MYO3B: variants seen among roughly 807,000 people sequenced by gnomAD.
MYO3B encodes the protein myosin-IIIb.
Under a neutral mutation model 174.6 loss-of-function variants are expected in MYO3B, and 156 were observed. The observed-to-expected ratio is 0.89, with a 90% CI of 0.78 to 1.02. The LOEUF is 1.02. Among genes scored for constraint, MYO3B ranks in the 50% least tolerant of loss-of-function variants. The pLI is 0.00. For missense variants in MYO3B, 1,632 were observed against 1,639.4 expected (o/e 1.00, Z 0.08); for synonymous variants, 563 against 569.1 (o/e 0.99, Z 0.15).
chr2:170,618,348 C>G (rs941589301), intron 32 of MYO3B, among the ~76,000 whole-genome samples: 2 of 152,136 alleles, frequency 1.3e-5, no homozygotes, highest in African/African-American at 4.8e-5. Flanking sequence ...TCAGTGTCAT[C>G]AGGAGGAGGC....
chr2:170,388,042 T>C (rs566867765), intron 14 of MYO3B, among the ~76,000 whole-genome samples: 48 of 151,986 alleles, frequency 3.2e-4, no homozygotes, highest in Non-Finnish European at 3.1e-4. Context: ...CTTCATATAA[T>C]AATAATAGCT....
chr2:170,601,824 G>C, intron 32 of MYO3B: 1 of 1,024,060 alleles, frequency 9.8e-7, no homozygotes, highest in East Asian at 2.4e-5. Flanking sequence ...CTGCAAAAGT[G>C]TTATTCCACA....
At chr2:170,546,584 G>C in intron 32 of MYO3B, among the ~76,000 whole-genome samples, 1 of 152,226 alleles carries the variant, frequency 6.6e-6, no homozygotes, top group East Asian at 1.9e-4. Context: ...TAGACATGAA[G>C]ACGTGAGAAA....
chr2:170,349,897 C>T (rs2094050172), intron 8 of MYO3B: 1 of 151,928 alleles, frequency 6.6e-6, no homozygotes, highest in Admixed American at 6.6e-5. Context: ...TGGACAGTCT[C>T]TCCAAACGAC....
chr2:170,600,921 A>G (rs1694467690), intron 32 of MYO3B, among the ~76,000 whole-genome samples: 1 of 152,240 alleles, frequency 6.6e-6, no homozygotes, highest in African/African-American at 2.4e-5. Context: ...GTTTGTAAAT[A>G]TAAGTGGGCT....
At chr2:170,185,307 GGTCTTAGACTTAA>G (rs1314289373) in intron 1 of MYO3B, among the ~76,000 whole-genome samples, 1 of 152,008 alleles carries the variant, frequency 6.6e-6, no homozygotes, top group East Asian at 1.9e-4. Flanking sequence ...CATAGTTTGA[GGTCTTAGACTTAA>G]GTCTTTAATC....
In MYO3B at chr2:170,545,474, G is replaced by A. The variant is rs532139343; in HGVS notation, c.3733+1486G>A. On this transcript the variant is annotated intron_variant, in intron 32 of 34. Coordinates refer to ENST00000408978, the MANE Select transcript of MYO3B (RefSeq NM_138995.5). ...TTATTGACATTATATAAATGCAAAC[G>A]TAATCTATGAACATGAATACTAGGT... Among the ~76,000 whole-genome samples the A allele has an allele frequency of 1.4e-4, 22 of 152,310 alleles. 1 individual carries two copies. The South Asian group carries it at 2.5e-3, about 17-fold the overall frequency.
intron 3 of MYO3B, among the ~76,000 whole-genome samples, 185 bp from the exon 4 acceptor site, chr2:170,214,194 A>G (rs954083499): frequency 2.0e-5 from 3 of 152,262 alleles, no homozygotes; most frequent in African/African-American, 2.4e-5. Context: ...TAAAAAATAC[A>G]TACGCAAAGA....
At chr2:170,207,350 G>C (rs762435616) in intron 3 of MYO3B, among the ~76,000 whole-genome samples, 4 of 152,132 alleles carry the variant, frequency 2.6e-5, no homozygotes, top group Non-Finnish European at 5.9e-5. Flanking sequence ...ATGTCATGAA[G>C]GTGAGAAAGA....
At chr2:170,582,690 A>G (rs73030704) in intron 32 of MYO3B, among the ~76,000 whole-genome samples, 6,663 of 152,172 alleles carry the variant, frequency 0.044, 478 homozygotes, top group African/African-American at 0.15. Flanking sequence ...AGAAAGAAAA[A>G]TCCCAGCAGG....
chr2:170,254,548 G>A (rs939258064), intron 7 of MYO3B, among the ~76,000 whole-genome samples: 5 of 152,172 alleles, frequency 3.3e-5, no homozygotes, highest in Admixed American at 1.3e-4. Context: ...TCCTACCTGC[G>A]TGTTTTGCTA....
intron 32 of MYO3B, chr2:170,601,758 C>A: frequency 1.4e-6 from 2 of 1,416,652 alleles, no homozygotes; most frequent in Middle Eastern, 2.5e-4. Context: ...TAGCTGTATC[C>A]TTTTTGTATT....
intron 32 of MYO3B, among the ~76,000 whole-genome samples, chr2:170,546,437 A>G (rs1690487504): frequency 6.6e-6 from 1 of 152,242 alleles, no homozygotes; most frequent in Non-Finnish European, 1.5e-5. Context: ...ATGTATTTCT[A>G]ACAATCCTAG....
chr2:170,525,762 G>A (rs1688957197), intron 30 of MYO3B, among the ~76,000 whole-genome samples: 1 of 152,214 alleles, frequency 6.6e-6, no homozygotes, highest in Non-Finnish European at 1.5e-5. Context: ...CAGAATTGAT[G>A]AGCCAGAGAA....
intron 25 of MYO3B, among the ~76,000 whole-genome samples, chr2:170,491,167 T>G (rs1686440696): frequency 6.6e-6 from 1 of 152,202 alleles, no homozygotes; most frequent in Admixed American, 6.5e-5. Context: ...GAGACCATTC[T>G]TTCCTGATAA....
At chr2:170,232,629 T>C (rs2093027334) in intron 6 of MYO3B, among the ~76,000 whole-genome samples, 1 of 152,234 alleles carries the variant, frequency 6.6e-6, no homozygotes, top group Non-Finnish European at 1.5e-5. Flanking sequence ...CCCTGACAAT[T>C]ACTAGCTATG....
intron 1 of MYO3B, among the ~76,000 whole-genome samples, chr2:170,187,581 T>C (rs1486106326): frequency 6.6e-6 from 1 of 152,188 alleles, no homozygotes; most frequent in African/African-American, 2.4e-5. Context: ...GAAGTTTTTC[T>C]ACTTTTTTGT....
intron 8 of MYO3B, chr2:170,343,875 TAAC>T (rs2093995948): frequency 6.6e-6 from 1 of 152,250 alleles, no homozygotes; most frequent in South Asian, 2.1e-4. Flanking sequence ...TCTATAATAA[TAAC>T]TAGTTGGGAT....
intron 7 of MYO3B, among the ~76,000 whole-genome samples, chr2:170,298,777 G>C (rs116000759): frequency 0.015 from 2,321 of 151,950 alleles, 57 homozygotes; most frequent in African/African-American, 0.052. Flanking sequence ...CTCTATTTAG[G>C]ATTTATATCT....
Sources: gnomAD v4.1 joint callset for allele counts (sites outside exome capture counted in the v4.1 genomes callset) on GRCh38, gnomAD v4.1.1 for gene constraint, MANE v1.5 for transcripts, NCBI Gene and HGNC (gene_info 2026-07-23, HGNC 2026-07-21) for gene names.